The following DAB2IP variants were observed in gnomAD, a reference collection of about 807,000 sequenced individuals.
DAB2IP encodes disabled homolog 2-interacting protein.
In DAB2IP, 28 loss-of-function variants were observed where a neutral mutation model predicts 107.2. That is an observed-to-expected ratio of 0.26 (90% CI 0.19 to 0.36). DAB2IP has a LOEUF of 0.36. DAB2IP is among the 10% of genes least tolerant of loss of function. The probability of loss-of-function intolerance (pLI) is 1.00; values close to 1 mark genes in which losing one functional copy is unlikely to be tolerated. For synonymous variants in DAB2IP, 755 were observed against 706.4 expected (o/e 1.07, Z -1.09); for missense variants, 1,400 against 1,644.7 (o/e 0.85, Z 2.57).
intron 3 of DAB2IP, among the ~76,000 whole-genome samples, chr9:121,749,377 T>G (rs2118927419): frequency 6.6e-6 from 1 of 152,364 alleles, no homozygotes; most frequent in African/African-American, 2.4e-5. Context: ...TGGACCTGCC[T>G]GGCTATGACA....
intron 1 of DAB2IP, among the ~76,000 whole-genome samples, chr9:121,642,016 T>C (rs1832347376): frequency 3.4e-5 from 1 of 29,442 alleles, no homozygotes; most frequent in African/African-American, 1.5e-4. Context: ...TCTCTCTCTC[T>C]CTCTCTCTCT....
chr9:121,621,636 C>CTTTTTT (rs538942620), intron 1 of DAB2IP, among the ~76,000 whole-genome samples: 2 of 134,880 alleles, frequency 1.5e-5, no homozygotes, highest in African/African-American at 5.7e-5. Context: ...TCTTTTTTTC[C>CTTTTTT]TTTTTTTTTT....
chr9:121,661,269 G>A (rs113288119), intron 1 of DAB2IP, among the ~76,000 whole-genome samples: 256 of 152,202 alleles, frequency 1.7e-3, no homozygotes, highest in African/African-American at 5.9e-3. Context: ...GAGGTGTGGG[G>A]TGCAGAATAG....
intron 3 of DAB2IP, among the ~76,000 whole-genome samples, chr9:121,720,196 G>A (rs370403841): frequency 1.3e-5 from 2 of 152,132 alleles, no homozygotes; most frequent in African/African-American, 4.8e-5. Context: ...GTAGCATTTC[G>A]GTCCTTACTT....
chr9:121,758,622 T>C (rs1454444937), intron 4 of DAB2IP, among the ~76,000 whole-genome samples: 1 of 152,182 alleles, frequency 6.6e-6, no homozygotes, highest in Non-Finnish European at 1.5e-5. Flanking sequence ...TGCTTTCCTA[T>C]TGGACAGAGG....
intron 2 of DAB2IP, among the ~76,000 whole-genome samples, chr9:121,680,747 T>C (rs975535459): frequency 3.0e-4 from 14 of 46,482 alleles, no homozygotes; most frequent in Non-Finnish European, 5.5e-4. Flanking sequence ...TTTTTTCTTT[T>C]TTTTTTTTTT....
intron 13 of DAB2IP, among the ~76,000 whole-genome samples, chr9:121,775,558 T>C (rs948052307): frequency 1.3e-5 from 2 of 152,130 alleles, no homozygotes; most frequent in Non-Finnish European, 2.9e-5. Flanking sequence ...AGCACCTGAC[T>C]CCTCTCTGCA....
At chr9:121,588,197 C>A (rs757723917) in intron 1 of DAB2IP, among the ~76,000 whole-genome samples, 1 of 152,136 alleles carries the variant, frequency 6.6e-6, no homozygotes, top group Non-Finnish European at 1.5e-5. Context: ...AGGTCAAGAC[C>A]GTGAGTCCTT....
chr9:121,569,197 G>A (rs1400252030), intron 1 of DAB2IP, among the ~76,000 whole-genome samples: 1 of 152,238 alleles, frequency 6.6e-6, no homozygotes, highest in East Asian at 1.9e-4. Context: ...GAAAACTGCG[G>A]TCTCAGTGAG....
Position 121,699,217 on chromosome 9 carries a change from C to G in DAB2IP, c.229-108C>G, listed in dbSNP as rs1389104739. ...GGGCCGAGCCCGAGCCCGGCCCGCC[C>G]TCGGCCGCGCGGCCGCCCAGCAAGG... On this transcript the variant is annotated intron_variant, in intron 2 of 15. Transcript: ENST00000408936. This position sits in a 1 kb window ranked among gnomAD's most constrained non-coding sequence, Gnocchi z 6.2. The G allele has an allele frequency of 3.0e-6, 3 of 999,684 alleles. No individual in the cohort carries two copies. Among genetic ancestry groups the G allele is most frequent in the Non-Finnish European group, 3.6e-6 (3 of 841,012 alleles). The allele number at this position is 999,684 out of a possible 1,614,324, so 61.9% of individuals were successfully genotyped here.
intron 6 of DAB2IP, among the ~76,000 whole-genome samples, chr9:121,761,315 G>T (rs986107319): frequency 6.6e-6 from 1 of 152,240 alleles, no homozygotes; most frequent in African/African-American, 2.4e-5. Context: ...CCTCTGCAGC[G>T]TGGATGGACC....
intron 1 of DAB2IP, among the ~76,000 whole-genome samples, chr9:121,573,071 G>GGTTTGTTT (rs954752182): frequency 6.6e-6 from 1 of 152,050 alleles, no homozygotes; most frequent in Non-Finnish European, 1.5e-5. Flanking sequence ...CTTCTGTTTT[G>GGTTTGTTT]GTTTGTTTGT....
At chr9:121,623,836 T>C (rs1444639133) in intron 1 of DAB2IP, among the ~76,000 whole-genome samples, 1 of 151,976 alleles carries the variant, frequency 6.6e-6, no homozygotes, top group Non-Finnish European at 1.5e-5. Context: ...TACAGGCACA[T>C]GCCACCATGC....
intron 9 of DAB2IP, among the ~76,000 whole-genome samples, chr9:121,767,882 A>C (rs948900133): frequency 6.6e-6 from 1 of 152,152 alleles, no homozygotes; most frequent in Non-Finnish European, 1.5e-5. Context: ...GGGCCGTGCC[A>C]TTTGGGAATG....
intron 1 of DAB2IP, among the ~76,000 whole-genome samples, chr9:121,666,604 G>C (rs1265958437): frequency 6.6e-6 from 1 of 152,094 alleles, no homozygotes; most frequent in African/African-American, 2.4e-5. Context: ...CGGCGGGTTG[G>C]GGGGCCAGGG....
chr9:121,780,400 C>T (rs1835526319), intron 14 of DAB2IP, among the ~76,000 whole-genome samples: 1 of 152,156 alleles, frequency 6.6e-6, no homozygotes, highest in Non-Finnish European at 1.5e-5. Flanking sequence ...GCCCCCATTA[C>T]AGTCCCGTGC....
intron 6 of DAB2IP, among the ~76,000 whole-genome samples, chr9:121,761,986 C>T (rs920327381): frequency 6.6e-6 from 1 of 152,068 alleles, no homozygotes; most frequent in Admixed American, 6.5e-5. Context: ...TCCAGGTGCT[C>T]GTGGAGGGAG....
intron 3 of DAB2IP, chr9:121,737,658 G>A (rs1197355302): frequency 2.9e-5 from 29 of 985,420 alleles, no homozygotes; most frequent in Middle Eastern, 5.2e-4. Flanking sequence ...CCAGAGCCTC[G>A]GGGGTTGCAA....
chr9:121,621,462 A>G (rs1034486017), intron 1 of DAB2IP, among the ~76,000 whole-genome samples: 1 of 151,896 alleles, frequency 6.6e-6, no homozygotes, highest in Non-Finnish European at 1.5e-5. Context: ...TACCTGTTAG[A>G]CTGCCTTGCC....
Sources: gnomAD v4.1 joint callset for allele counts (sites outside exome capture counted in the v4.1 genomes callset) on GRCh38, gnomAD v4.1.1 for gene constraint, Gnocchi (gnomAD v3.1) non-coding constraint, MANE v1.5 for transcripts, NCBI Gene and HGNC (gene_info 2026-07-23, HGNC 2026-07-21) for gene names.